Variants in GPD2 observed in about 807,000 individuals in gnomAD.
GPD2 encodes the protein glycerol-3-phosphate dehydrogenase, mitochondrial.
GPD2 carries 54 observed loss-of-function variants against 82.4 expected under a neutral mutation model. The ratio of observed to expected loss-of-function variants is 0.66; its 90% CI spans 0.53 to 0.82. The LOEUF is 0.82. Ranked by LOEUF, GPD2 falls within the 40% of genes least tolerant of loss-of-function variation. The pLI is 0.00. For synonymous variants in GPD2, 288 were observed against 306.1 expected, an observed-to-expected ratio of 0.94 and a Z score of 0.62; for missense variants, 748 against 896.2, an observed-to-expected ratio of 0.83 and a Z score of 2.11.
intron 6 of GPD2, among the ~76,000 whole-genome samples, chr2:156,531,373 G>GT (rs1685852727): frequency 6.6e-6 from 1 of 152,210 alleles, no homozygotes; most frequent in Non-Finnish European, 1.5e-5. Flanking sequence ...AGACAGGAGA[G>GT]TAAGTGGCAA....
rs376724005 is a variant in GPD2, at chr2:156,457,070, TA to T, written c.-8-19019del. Among the ~76,000 whole-genome samples the T allele has an allele frequency of 3.5e-3, 531 of 151,752 alleles. 11 individuals are homozygous for T. The highest frequency in any genetic ancestry group is 0.012 in the African/African-American group (504 of 41,368). ...TTCTTGAGAAATAGCTTGATTTCTT[TA>T]AAAAAAAATTGACTCATAGACTGTT... On this transcript the variant is annotated intron_variant, in intron 1 of 16. Transcript: ENST00000438166.
chr2:156,537,698 A>G (rs1686135169), intron 6 of GPD2, among the ~76,000 whole-genome samples: 1 of 152,172 alleles, frequency 6.6e-6, no homozygotes, highest in South Asian at 2.1e-4. Context: ...AGTATTTTTG[A>G]CATTCATTAA....
chr2:156,479,770 G>C (rs1218185807), intron 2 of GPD2, among the ~76,000 whole-genome samples: 2 of 152,090 alleles, frequency 1.3e-5, no homozygotes, highest in African/African-American at 4.8e-5. Flanking sequence ...AAGCATCTGA[G>C]GGCTTTTAGC....
chr2:156,548,510 AG>A (rs1686634475), intron 6 of GPD2, among the ~76,000 whole-genome samples: 1 of 152,144 alleles, frequency 6.6e-6, no homozygotes, highest in Non-Finnish European at 1.5e-5. Context: ...GTTTGTGGGG[AG>A]GGGCAGCAGA....
chr2:156,456,907 G>A (rs1193839667), intron 1 of GPD2, among the ~76,000 whole-genome samples: 1 of 152,158 alleles, frequency 6.6e-6, no homozygotes, highest in Non-Finnish European at 1.5e-5. Context: ...TTCTGCATGA[G>A]TGACCAAGCA....
At chr2:156,434,111 A>G (rs1688358135), upstream of GPD2, among the ~76,000 whole-genome samples, 1 of 152,048 alleles carries the variant, frequency 6.6e-6, no homozygotes, top group Admixed American at 6.6e-5. Flanking sequence ...GTTTTTATTT[A>G]TTTATTTTTT....
chr2:156,495,272 G>A (rs1684327367), intron 2 of GPD2, among the ~76,000 whole-genome samples: 1 of 152,118 alleles, frequency 6.6e-6, no homozygotes, highest in African/African-American at 2.4e-5. Context: ...TCACCTGAAC[G>A]TGGGGAGGAT....
At chr2:156,463,916 G>A (rs183962309) in intron 1 of GPD2, among the ~76,000 whole-genome samples, 15 of 152,288 alleles carry the variant, frequency 9.8e-5, no homozygotes, top group African/African-American at 3.1e-4. Flanking sequence ...ATCTTATGCA[G>A]AATAACTAGA....
intron 1 of GPD2, among the ~76,000 whole-genome samples, chr2:156,464,855 T>G (rs1372346872): frequency 2.6e-5 from 4 of 152,136 alleles, no homozygotes; most frequent in Non-Finnish European, 5.9e-5. Flanking sequence ...ACATTTTCTT[T>G]TCTTTTTTTT....
the GPD2 span, among the ~76,000 whole-genome samples, chr2:156,403,412 A>T: frequency 2.6e-5 from 4 of 152,156 alleles, no homozygotes; most frequent in Admixed American, 2.6e-4. Context: ...TCCTTGTATG[A>T]GGGTGTAATG....
chr2:156,459,749 C>T (rs947432702), intron 1 of GPD2, among the ~76,000 whole-genome samples: 4 of 142,056 alleles, frequency 2.8e-5, no homozygotes, highest in South Asian at 2.3e-4. Flanking sequence ...CAATCTTTTA[C>T]GTAAGGACAT....
intron 9 of GPD2, among the ~76,000 whole-genome samples, chr2:156,559,820 A>G (rs758568949): frequency 6.6e-6 from 1 of 152,224 alleles, no homozygotes; most frequent in Non-Finnish European, 1.5e-5. Flanking sequence ...CTTGTTTAAC[A>G]TCCATGTTTA....
At chr2:156,477,516 A>G (rs957121807) in intron 2 of GPD2, among the ~76,000 whole-genome samples, 6 of 152,116 alleles carry the variant, frequency 3.9e-5, no homozygotes, top group Non-Finnish European at 7.4e-5. Flanking sequence ...CAACAAGCCA[A>G]TTTTTATGTG....
At chr2:156,541,126 A>G (rs764243493) in intron 6 of GPD2, among the ~76,000 whole-genome samples, 10 of 152,216 alleles carry the variant, frequency 6.6e-5, no homozygotes, top group Non-Finnish European at 1.3e-4. Flanking sequence ...TAATCTCATT[A>G]CTATTCTCCT....
At chr2:156,420,945 A>G in the GPD2 span, among the ~76,000 whole-genome samples, 1 of 152,206 alleles carries the variant, frequency 6.6e-6, no homozygotes, top group Non-Finnish European at 1.5e-5. Context: ...TGTATTTTTC[A>G]TGGAATGTTT....
the GPD2 span, among the ~76,000 whole-genome samples, chr2:156,428,600 CAGTT>C: frequency 1.2e-4 from 18 of 152,172 alleles, no homozygotes; most frequent in African/African-American, 4.3e-4. Flanking sequence ...GCTTGGCTAG[CAGTT>C]AGGCAGGAAG....
At chr2:156,538,312 G>C (rs1686157224) in intron 6 of GPD2, among the ~76,000 whole-genome samples, 1 of 152,076 alleles carries the variant, frequency 6.6e-6, no homozygotes, top group Non-Finnish European at 1.5e-5. Context: ...ATTACTTTAG[G>C]CAACAAATAG....
intron 9 of GPD2, among the ~76,000 whole-genome samples, chr2:156,567,353 G>A (rs868785983): frequency 1.3e-5 from 2 of 151,980 alleles, no homozygotes; most frequent in Middle Eastern, 3.4e-3. Context: ...GGCCTTTGAT[G>A]CATTATGAGT....
At chr2:156,402,863 A>G in the GPD2 span, among the ~76,000 whole-genome samples, 2 of 152,082 alleles carry the variant, frequency 1.3e-5, no homozygotes, top group African/African-American at 2.4e-5. Flanking sequence ...TAACTTCAGA[A>G]ATCTAAAGAA....
Sources: gnomAD v4.1 joint callset for allele counts (sites outside exome capture counted in the v4.1 genomes callset) on GRCh38, gnomAD v4.1.1 for gene constraint, MANE v1.5 for transcripts, NCBI Gene and HGNC (gene_info 2026-07-23, HGNC 2026-07-21) for gene names.